Variants in PFKFB3 observed in about 807,000 individuals in gnomAD.
PFKFB3 encodes 6-phosphofructo-2-kinase/fructose-2,6-biphosphatase 3, also known as 6-phosphofructo-2-kinase/fructose-2,6-bisphosphatase 3.
Under a neutral mutation model 68.0 loss-of-function variants are expected in PFKFB3, and 33 were observed. The observed-to-expected ratio is 0.49, with a 90% confidence interval of 0.37 to 0.65. The LOEUF (loss-of-function observed/expected upper bound fraction) is 0.65. PFKFB3 is among the 30% of genes least tolerant of loss of function. The pLI, the probability that PFKFB3 is intolerant of heterozygous loss-of-function variation, is 0.00. For missense variants in PFKFB3, 586 were observed against 712.2 expected, an observed-to-expected ratio of 0.82 and a Z score of 2.02; for synonymous variants, 315 against 288.2, an observed-to-expected ratio of 1.09 and a Z score of -0.94.
At position 6,228,477 on chromosome 10, in the gene PFKFB3, C is replaced by T. The variant is rs1205290706; in HGVS notation, c.1515+2112C>T. Among the ~76,000 whole-genome samples the T allele has an allele frequency of 6.6e-6, 1 of 152,114 alleles. No individual in the cohort carries two copies. The highest frequency in any genetic ancestry group is 1.5e-5 in the Non-Finnish European group (1 of 68,028). ...CGCACGACCGCTGGCTTCTCCCCTA[C>T]CCTCTCAGGGCTGCAGGTCGTGGTG... is the stretch of plus-strand genomic sequence containing the variant. On this transcript the variant is annotated intron_variant, in intron 14 of 14. Coordinates refer to ENST00000379775, the MANE Select transcript of PFKFB3 (RefSeq NM_004566.4). This position sits in a 1 kb window ranked among gnomAD's most constrained non-coding sequence, Gnocchi z 4.5.
Position 6,203,027 on chromosome 10 carries a change from C to A in PFKFB3, c.-234C>A. 7.3e-7 allele frequency: 1 copy of A among 1,373,558 alleles called. No individual in the cohort carries two copies. The highest frequency in any genetic ancestry group is 1.6e-5 in the South Asian group (1 of 61,454). 85.1% of individuals were successfully genotyped at this position (1,373,558 alleles called of 1,614,324 possible). On this transcript the variant is annotated 5_prime_UTR_variant, in exon 1 of 15. Coordinates refer to ENST00000379775, the MANE Select transcript of PFKFB3 (RefSeq NM_004566.4). ...CCCAGAGCTTTCCGAGCGGACGAGC[C>A]GGCCGTGCCGGGCATCCCCAGCCTC...
intron 7 of PFKFB3, 152 bp downstream of exon 7, chr10:6,219,845 C>A: frequency 1.4e-6 from 1 of 704,218 alleles, no homozygotes; most frequent in Non-Finnish European, 2.3e-6. Context: ...CTATGTTGCC[C>A]GGGCTGGTCT....
the PFKFB3 span, among the ~76,000 whole-genome samples, chr10:6,304,172 G>A: frequency 1.3e-5 from 2 of 152,274 alleles, no homozygotes; most frequent in East Asian, 3.9e-4. Flanking sequence ...TTTTCAGATT[G>A]TTTACTTACT....
At chr10:6,239,570 C>T (rs1426943302), downstream of PFKFB3, among the ~76,000 whole-genome samples, 4 of 152,194 alleles carry the variant, frequency 2.6e-5, no homozygotes, top group Non-Finnish European at 5.9e-5. Context: ...GCTCACATAA[C>T]GTTGGGGACC....
In PFKFB3 at chr10:6,203,175, C is replaced by T. The variant is rs570222395; in HGVS notation, c.-86C>T. 6,210 of 1,549,978 alleles carry T rather than the reference C, an allele frequency of 4.0e-3. 14 individuals carry two copies. Among genetic ancestry groups the T allele is most frequent in the Non-Finnish European group, 4.8e-3 (5,533 of 1,148,422 alleles). Reference sequence around the variant, plus strand: ...GCGCCGGCGCACGCCCCCCTCTCCTCCTTTGTTCCGGGGGTCGGCGGCCGC... The same window carrying T: ...GCGCCGGCGCACGCCCCCCTCTCCTTCTTTGTTCCGGGGGTCGGCGGCCGC... On this transcript the variant is annotated 5_prime_UTR_variant, in exon 1 of 15. Transcript: ENST00000379775.
At chr10:6,318,000 A>G in the PFKFB3 span, among the ~76,000 whole-genome samples, 19 of 152,368 alleles carry the variant, frequency 1.2e-4, no homozygotes, top group African/African-American at 4.3e-4. Context: ...CAGAAGCAGC[A>G]TGTGGTTGTG....
intron 1 of PFKFB3, among the ~76,000 whole-genome samples, chr10:6,189,356 T>C (rs1281620297): frequency 6.6e-6 from 1 of 152,158 alleles, no homozygotes; most frequent in Non-Finnish European, 1.5e-5. Context: ...TTTTAGAAAA[T>C]AAGGTCACTT....
At chr10:6,168,324 G>A (rs1376533823) in intron 1 of PFKFB3, among the ~76,000 whole-genome samples, 3 of 152,216 alleles carry the variant, frequency 2.0e-5, no homozygotes, top group African/African-American at 7.2e-5. Context: ...CCTGCCTCAG[G>A]CTGGAGGCTG....
Position 6,216,711 on chromosome 10 carries a change from C to T in PFKFB3, c.372C>T (p.Phe124=), listed in dbSNP as rs748952044. 3.3e-5 allele frequency: 53 copies of T among 1,610,526 alleles called. 2 individuals carry two copies. The highest frequency in any genetic ancestry group is 3.3e-4 in the Middle Eastern group (2 of 6,076). Reference sequence around the variant, plus strand: ...CCCTTTGCTCTCCATATCAGGTTTTCGATGCCACCAATACTACTAGAGAGA... The same window carrying T: ...CCCTTTGCTCTCCATATCAGGTTTTTGATGCCACCAATACTACTAGAGAGA... The part of the protein sequence containing the change: ...LAKEGGQIAV[F]DATNTTRERR... Residue 124 remains phenylalanine, a synonymous_variant, in exon 5 of 15, where the codon TTC becomes TTT. Coordinates refer to ENST00000379775, the MANE Select transcript of PFKFB3 (RefSeq NM_004566.4).
At position 6,221,728 on chromosome 10, in the gene PFKFB3, C is replaced by T. The variant is rs1329279904; in HGVS notation, c.1066C>T (p.Arg356Cys). Residue 356 changes from arginine to cysteine, a missense_variant, in exon 10 of 15, where the codon CGC (arginine) becomes TGC (cysteine). Physicochemically the swap from Arg to Cys is radical, Grantham distance 180. Transcript: ENST00000379775. ...GCGGGAGCAGGACAAGTACTATTAC[C>T]GCTACCCCACCGGGGAGGTGAGCGC... ...ALREQDKYYY[R>C]YPTGESYQDL... 3.1e-6 allele frequency: 5 copies of T among 1,601,770 alleles called. No homozygotes were observed. The highest frequency in any genetic ancestry group is 4.3e-6 in the Non-Finnish European group (5 of 1,175,350).
chr10:6,252,025 A>G (rs985818629), intron 14 of PFKFB3, among the ~76,000 whole-genome samples: 1 of 152,190 alleles, frequency 6.6e-6, no homozygotes, highest in Non-Finnish European at 1.5e-5. Context: ...ATAAATTTCA[A>G]TTTGTAGGGA....
At chr10:6,273,292 A>T in the PFKFB3 span, among the ~76,000 whole-genome samples, 6 of 152,124 alleles carry the variant, frequency 3.9e-5, no homozygotes, top group African/African-American at 1.4e-4. Context: ...CACCAAAAGT[A>T]AAACAAACAA....
intron 1 of PFKFB3, among the ~76,000 whole-genome samples, chr10:6,176,569 G>A (rs1249915730): frequency 6.6e-6 from 1 of 152,066 alleles, no homozygotes; most frequent in East Asian, 1.9e-4. Context: ...ATCATGCCTG[G>A]CTAATTTTTA....
chr10:6,177,372 C>CTTTG (rs886351542), intron 1 of PFKFB3, among the ~76,000 whole-genome samples: 17 of 106,280 alleles, frequency 1.6e-4, no homozygotes, highest in Middle Eastern at 8.1e-3. Flanking sequence ...TTCTTTCTTT[C>CTTTG]TTTCTTTCTT....
chr10:6,232,860 A>T, intron 14 of PFKFB3, 35 bp from the exon 15 acceptor site: 2 of 1,581,778 alleles, frequency 1.3e-6, no homozygotes, highest in Non-Finnish European at 1.7e-6. Context: ...ACAAATCCTA[A>T]CTCCCTCCCC....
chr10:6,223,636 T>C (rs1845119489), intron 11 of PFKFB3, among the ~76,000 whole-genome samples: 1 of 152,200 alleles, frequency 6.6e-6, no homozygotes, highest in Non-Finnish European at 1.5e-5. Context: ...CATTTCTTTT[T>C]TTTGAGACAA....
intron 14 of PFKFB3, among the ~76,000 whole-genome samples, chr10:6,246,890 G>A (rs1846274528): frequency 6.6e-6 from 1 of 152,288 alleles, no homozygotes; most frequent in South Asian, 2.1e-4. Context: ...GGAGAAAAAT[G>A]TCCATTTTAC....
intron 1 of PFKFB3, among the ~76,000 whole-genome samples, chr10:6,157,854 C>G (rs1250697935): frequency 1.3e-5 from 2 of 152,032 alleles, no homozygotes; most frequent in Non-Finnish European, 2.9e-5. Flanking sequence ...AACACATGGC[C>G]TGACAGTAAA....
chr10:6,191,868 G>A (rs1001036095), intron 1 of PFKFB3, among the ~76,000 whole-genome samples: 2 of 152,028 alleles, frequency 1.3e-5, no homozygotes, highest in South Asian at 2.1e-4. Context: ...TCCCTGTCTC[G>A]CTCTTTAGCC....
Sources: gnomAD v4.1 joint callset for allele counts (sites outside exome capture counted in the v4.1 genomes callset) on GRCh38, gnomAD v4.1.1 for gene constraint, Gnocchi (gnomAD v3.1) non-coding constraint, MANE v1.5 for transcripts, NCBI Gene and HGNC (gene_info 2026-07-23, HGNC 2026-07-21) for gene names.